The following AMPH variants were observed in gnomAD, a reference collection of about 807,000 sequenced individuals.
The protein encoded by AMPH is amphiphysin (Stiff-Mann syndrome with breast cancer 128kD autoantigen).
In AMPH, 49 loss-of-function variants were observed where a neutral mutation model predicts 99.1. The ratio of observed to expected loss-of-function variants is 0.49; its 90% confidence interval spans 0.39 to 0.63. The LOEUF is 0.63. AMPH is among the 20% of genes least tolerant of loss of function. The pLI, the probability that AMPH is intolerant of heterozygous loss-of-function variation, is 0.00. For missense variants in AMPH, 759 were observed against 863.4 expected, an observed-to-expected ratio of 0.88 and a Z score of 1.52; for synonymous variants, 314 against 317.3, an observed-to-expected ratio of 0.99 and a Z score of 0.11.
At chr7:38,418,289 C>CAGAGAGAGAGAGACAGAGACAGAG in intron 16 of AMPH, among the ~76,000 whole-genome samples, 1 of 151,548 alleles carries the variant, frequency 6.6e-6, no homozygotes, top group South Asian at 2.1e-4. Context: ...TGCTATTTTC[C>CAGAGAGAGAGAGACAGAGACAGAG]AGAGAGAGAG....
At chr7:38,401,385 A>T (rs1317366776) in intron 17 of AMPH, among the ~76,000 whole-genome samples, 1 of 152,206 alleles carries the variant, frequency 6.6e-6, no homozygotes, top group Non-Finnish European at 1.5e-5. Context: ...CTCAATAGAC[A>T]TGTCACCACA....
intron 1 of AMPH, among the ~76,000 whole-genome samples, chr7:38,535,982 T>A (rs75442980): frequency 0.14 from 20,681 of 151,952 alleles, 1,518 homozygotes; most frequent in Middle Eastern, 0.24. Context: ...GTAAGTTCCG[T>A]CTCACCATCT....
chr7:38,546,051 C>T (rs1021939907), intron 1 of AMPH, among the ~76,000 whole-genome samples: 2 of 152,160 alleles, frequency 1.3e-5, no homozygotes, highest in Admixed American at 6.5e-5. Flanking sequence ...ACAGTATTTT[C>T]AGTTCAGTTT....
At chr7:38,576,310 T>C (rs1027773384) in intron 1 of AMPH, among the ~76,000 whole-genome samples, 1 of 152,264 alleles carries the variant, frequency 6.6e-6, no homozygotes, top group Non-Finnish European at 1.5e-5. Flanking sequence ...CTTATAATTC[T>C]TTTTATTGGT....
At position 38,494,525 on chromosome 7, in the gene AMPH, T is replaced by G; in HGVS notation, c.208A>C (p.Met70Leu). The G allele has an allele frequency of 6.2e-7, 1 of 1,613,460 alleles. No homozygotes were observed. ...GTGAGCTTCATGGAGGCCTCCTGCA[T>G]GCCTAGTGTTGGAGAGAAACAACTC... ...LRGYLAAIKG[M>L]QEASMKLTES... Residue 70 changes from methionine (M) to leucine (L), a missense_variant and splice_region_variant, in exon 4 of 21, where the codon ATG becomes CTG. Physicochemically the swap from Met to Leu is conservative, Grantham distance 15. Around this residue, in one of 2 missense-constraint regions of AMPH, gnomAD observed 205 missense variants for 287.9 expected, o/e 0.71. Coordinates refer to ENST00000356264, the MANE Select transcript of AMPH (RefSeq NM_001635.4).
intron 1 of AMPH, among the ~76,000 whole-genome samples, chr7:38,581,150 T>A (rs759128256): frequency 6.6e-6 from 1 of 152,008 alleles, no homozygotes; most frequent in African/African-American, 2.4e-5. Flanking sequence ...TCAGCTGTGG[T>A]TGGAAAATGA....
intron 3 of AMPH, 82 bp downstream of exon 3, chr7:38,503,568 A>G: frequency 6.9e-7 from 1 of 1,457,314 alleles, no homozygotes; most frequent in Non-Finnish European, 9.6e-7. Flanking sequence ...TGGCTTTGTA[A>G]TTAACACTCA....
intron 7 of AMPH, among the ~76,000 whole-genome samples, chr7:38,469,275 A>G (rs937538292): frequency 2.0e-5 from 3 of 151,882 alleles, no homozygotes; most frequent in Non-Finnish European, 4.4e-5. Flanking sequence ...AGGGACTCTG[A>G]GACATCACCA....
At chr7:38,423,633 G>A (rs557841723) in intron 15 of AMPH, among the ~76,000 whole-genome samples, 190 of 152,310 alleles carry the variant, frequency 1.2e-3, no homozygotes, top group Non-Finnish European at 2.0e-3. Context: ...AGATGAAAGA[G>A]TAGTAACTTG....
intron 1 of AMPH, among the ~76,000 whole-genome samples, chr7:38,579,286 G>A (rs1792359486): frequency 1.3e-5 from 2 of 152,166 alleles, no homozygotes; most frequent in Admixed American, 1.3e-4. Context: ...CCCCAGTCCA[G>A]GGCTGTCTCC....
chr7:38,386,838 A>G (rs1234575468), intron 20 of AMPH, among the ~76,000 whole-genome samples: 2 of 152,208 alleles, frequency 1.3e-5, no homozygotes, highest in Non-Finnish European at 2.9e-5. Flanking sequence ...GAAAGTAGAG[A>G]ACTGCAAGGG....
chr7:38,589,202 A>C (rs1350700674), intron 1 of AMPH, among the ~76,000 whole-genome samples: 4 of 152,224 alleles, frequency 2.6e-5, no homozygotes, highest in Non-Finnish European at 5.9e-5. Flanking sequence ...AAAAACTGCA[A>C]GTGTGAGCAG....
intron 1 of AMPH, among the ~76,000 whole-genome samples, chr7:38,607,997 AT>A (rs1176088328): frequency 6.6e-6 from 1 of 151,500 alleles, no homozygotes; most frequent in African/African-American, 2.4e-5. Context: ...CTTTTTTTAA[AT>A]TTTTTTCCAT....
intron 2 of AMPH, among the ~76,000 whole-genome samples, chr7:38,521,757 G>A (rs1227643029): frequency 1.3e-5 from 2 of 152,200 alleles, no homozygotes; most frequent in Admixed American, 6.5e-5. Context: ...CATCCCCTCA[G>A]TCAGGAGTCT....
intron 5 of AMPH, among the ~76,000 whole-genome samples, chr7:38,489,455 T>C (rs189455504): frequency 7.5e-4 from 111 of 148,606 alleles, no homozygotes; most frequent in Non-Finnish European, 1.4e-3. Flanking sequence ...AAAATAAACA[T>C]TGGTGTTAGC....
chr7:38,418,081 A>C, intron 16 of AMPH, 131 bp from the exon 17 acceptor site: 1 of 1,056,888 alleles, frequency 9.5e-7, no homozygotes, highest in Non-Finnish European at 1.3e-6. Flanking sequence ...TCCGTGCTGG[A>C]GAAAAGCCCC....
chr7:38,488,489 G>T (rs1251337393), intron 5 of AMPH, among the ~76,000 whole-genome samples: 2 of 148,598 alleles, frequency 1.3e-5, no homozygotes, highest in Non-Finnish European at 3.0e-5. Flanking sequence ...ACATGGACAC[G>T]GAGTGGAACA....
chr7:38,501,957 A>C (rs1789153969), intron 3 of AMPH, among the ~76,000 whole-genome samples: 1 of 152,140 alleles, frequency 6.6e-6, no homozygotes, highest in Non-Finnish European at 1.5e-5. Flanking sequence ...TCTTCTTTTC[A>C]ATGCTACTTA....
intron 1 of AMPH, among the ~76,000 whole-genome samples, chr7:38,551,687 ATG>A (rs1791187645): frequency 6.6e-6 from 1 of 152,194 alleles, no homozygotes; most frequent in Non-Finnish European, 1.5e-5. Context: ...GGACCCAGGG[ATG>A]TGAGTGGAGA....
Sources: allele counts gnomAD v4.1 joint callset (sites outside exome capture counted in the v4.1 genomes callset), GRCh38; gene constraint gnomAD v4.1.1; regional missense constraint gnomAD v4.1.1; transcripts MANE v1.5; gene names NCBI Gene and HGNC (gene_info 2026-07-23, HGNC 2026-07-21).